The following ITIH2 variants were observed in gnomAD, a reference collection of about 807,000 sequenced individuals.
ITIH2 encodes the protein inter-alpha-trypsin inhibitor heavy chain 2, also known as inter-alpha-trypsin inhibitor heavy chain H2.
ITIH2 carries 103 observed loss-of-function variants against 104.4 expected under a neutral mutation model. The observed-to-expected ratio is 0.99, with a 90% confidence interval of 0.84 to 1.16. The LOEUF is 1.16. ITIH2 is among the 50% of genes most tolerant of loss of function. The probability of loss-of-function intolerance (pLI) is 0.00; values close to 1 mark genes in which losing one functional copy is unlikely to be tolerated. For synonymous variants in ITIH2, 436 were observed against 435.4 expected, an observed-to-expected ratio of 1.00 and a Z score of -0.02; for missense variants, 1,108 against 1,162.4, an observed-to-expected ratio of 0.95 and a Z score of 0.68.
intron 19 of ITIH2, among the ~76,000 whole-genome samples, chr10:7,746,065 A>AT (rs1227494309): frequency 1.3e-5 from 1 of 79,026 alleles, no homozygotes; most frequent in African/African-American, 5.2e-5. Flanking sequence ...CAAATCTTAA[A>AT]TTTAAAAAAA....
Position 7,721,064 on chromosome 10 carries a change from TGAG to T in ITIH2, c.738+104_738+106del, listed in dbSNP as rs1488481473. 7.8e-6 allele frequency: 6 copies of T among 772,184 alleles called. No homozygotes were observed. The African/African-American group carries it at 8.6e-5, about 11-fold the overall frequency. 47.8% of individuals were successfully genotyped at this position (772,184 alleles called of 1,614,324 possible). On this transcript the variant is annotated intron_variant, in intron 7 of 20. Coordinates refer to ENST00000358415, the MANE Select transcript of ITIH2 (RefSeq NM_002216.3). ...GGAGAAGAGAAAAGCAGGCTGGTGTTGAGGACACTGTTGAAGAAATGGGGATCC... is the reference window on the plus strand; with the variant it reads ...GGAGAAGAGAAAAGCAGGCTGGTGTTGACACTGTTGAAGAAATGGGGATCC...
chr10:7,733,942 T>C (rs1835027396), intron 14 of ITIH2, among the ~76,000 whole-genome samples: 1 of 151,728 alleles, frequency 6.6e-6, no homozygotes, highest in Non-Finnish European at 1.5e-5. Flanking sequence ...TAGCTCCCTC[T>C]CTGACAGAAG....
At chr10:7,714,471 C>T (rs112178049) in intron 5 of ITIH2, among the ~76,000 whole-genome samples, 7,620 of 152,062 alleles carry the variant, frequency 0.05, 256 homozygotes, top group Admixed American at 0.076. Flanking sequence ...TGTGCCTGGC[C>T]CACGCTCACT....
intron 3 of ITIH2, 52 bp downstream of exon 3, chr10:7,707,285 A>C (rs1834756579): frequency 2.2e-6 from 3 of 1,355,934 alleles, no homozygotes; most frequent in African/African-American, 2.9e-5. Flanking sequence ...GTTAATAATT[A>C]CCAGGAAATC....
At chr10:7,720,776 C>T (rs1834894689) in intron 6 of ITIH2, 80 bp from the exon 7 acceptor site, 2 of 866,646 alleles carry the variant, frequency 2.3e-6, no homozygotes, top group South Asian at 1.4e-5. Flanking sequence ...CATCAGAGGA[C>T]TTATTTGTAA....
At chr10:7,709,422 G>A (rs1473502877) in intron 4 of ITIH2, among the ~76,000 whole-genome samples, 3 of 152,070 alleles carry the variant, frequency 2.0e-5, no homozygotes, top group Admixed American at 6.6e-5. Flanking sequence ...CTATCTCTGT[G>A]GTAACAACCT....
chr10:7,723,621 C>A, intron 9 of ITIH2, 54 bp downstream of exon 9: 1 of 1,109,362 alleles, frequency 9.0e-7, no homozygotes, highest in Non-Finnish European at 1.4e-6. Context: ...TTCTTTGATC[C>A]CCTCCTAAAA....
chr10:7,744,846 A>T lies in ITIH2; in HGVS notation c.2464A>T (p.Met822Leu). The T allele has an allele frequency of 1.2e-5, 19 of 1,614,052 alleles. No individual in the cohort carries two copies. Among genetic ancestry groups the T allele is most frequent in the Non-Finnish European group, 1.6e-5 (19 of 1,179,964 alleles). The change falls in exon 19 of 21, where the codon ATG becomes TTG. Residue 822 changes from methionine to leucine, a missense_variant. Transcript: ENST00000358415. ...KVVTITLDKE[M>L]SFSVLLHRVW... ...GGTAACTATCACCCTGGATAAAGAG[A>T]TGTCCTTTTCTGTTTTACTTCATCG...
chr10:7,727,703 G>T lies in ITIH2; in HGVS notation c.1154G>T (p.Gly385Val), dbSNP rs146198523. 6.2e-7 allele frequency: 1 copy of T among 1,613,812 alleles called. No individual in the cohort carries two copies. Among genetic ancestry groups the T allele is most frequent in the African/African-American group, 1.3e-5 (1 of 74,898 alleles). ...RYIEKIQPSG[G>V]TNINEALLRA... is the part of the protein sequence containing the mutation. ...ACGTTTCATTATGCTACTTCAACAG[G>T]CACAAACATCAACGAAGCACTCCTA... Residue 385 changes from glycine (G) to valine (V), a missense_variant and splice_region_variant, in exon 11 of 21, where the codon GGC becomes GTC. Physicochemically the swap from Gly to Val is moderately radical, Grantham distance 109. Coordinates refer to ENST00000358415, the MANE Select transcript of ITIH2 (RefSeq NM_002216.3).
In ITIH2 at chr10:7,749,313, C is replaced by T; in HGVS notation, c.2820C>T (p.Tyr940=). 1 of 1,614,098 alleles carries T rather than the reference C, an allele frequency of 6.2e-7. No individual in the cohort carries two copies. Among genetic ancestry groups the T allele is most frequent in the African/African-American group, 1.3e-5 (1 of 75,048 alleles). ...HYKDYFVPQL[Y]SFLKRP is the part of the protein sequence containing the mutation. ...AGGATTACTTCGTGCCTCAGCTCTACAGCTTTCTCAAACGGCCTTAAAGGT... is the reference window on the plus strand; with the variant it reads ...AGGATTACTTCGTGCCTCAGCTCTATAGCTTTCTCAAACGGCCTTAAAGGT... The change falls in exon 21 of 21, where the codon TAC becomes TAT. Residue 940 remains tyrosine, a synonymous_variant. Transcript: ENST00000358415.
At chr10:7,708,029 T>G (rs1333109328) in intron 3 of ITIH2, among the ~76,000 whole-genome samples, 1 of 152,236 alleles carries the variant, frequency 6.6e-6, no homozygotes, top group East Asian at 1.9e-4. Flanking sequence ...TTGTGCTTCC[T>G]GCCCTGAATT....
chr10:7,705,278 AAG>A (rs1834736260), intron 2 of ITIH2, 96 bp downstream of exon 2: 1 of 893,930 alleles, frequency 1.1e-6, no homozygotes, highest in Admixed American at 2.1e-5. Context: ...AGATTTTCTT[AAG>A]AGTTTGTTTT....
At chr10:7,735,310 A>ACCTTTGTTC in intron 15 of ITIH2, among the ~76,000 whole-genome samples, 1 of 152,206 alleles carries the variant, frequency 6.6e-6, no homozygotes, top group Admixed American at 6.5e-5. Flanking sequence ...GAACTTTTGA[A>ACCTTTGTTC]AACCTGCGTA....
At chr10:7,749,054 T>C (rs1478889345) in intron 20 of ITIH2, 133 bp from the exon 21 acceptor site, 8 of 822,172 alleles carry the variant, frequency 9.7e-6, no homozygotes, top group Non-Finnish European at 1.6e-5. Context: ...TTCACATGAC[T>C]TGGGGAGCAG....
chr10:7,731,798 C>T lies in ITIH2; in HGVS notation c.1462-13C>T. ...AGGAACATAATTTCTCTCTCTCTCT[C>T]TGTGAATTGTAGAAATTCTACAACC... On this transcript the variant is annotated splice_polypyrimidine_tract_variant and intron_variant, in intron 12 of 20. Transcript: ENST00000358415. 1.3e-6 allele frequency: 2 copies of T among 1,564,172 alleles called. No individual in the cohort carries two copies. The highest frequency in any genetic ancestry group is 1.7e-6 in the Non-Finnish European group (2 of 1,146,660).
Position 7,709,156 on chromosome 10 carries a change from G to A in ITIH2, c.327G>A (p.Gln109=). Residue 109 remains glutamine (Q), a synonymous_variant, in exon 4 of 21, where the codon CAG becomes CAA. Coordinates refer to ENST00000358415, the MANE Select transcript of ITIH2 (RefSeq NM_002216.3). ...PQPQNVVFDV[Q]IPKGAFISNF... ...CTCAGAATGTCGTGTTTGATGTTCAGATCCCCAAAGGAGCATTCATTTCCA... is the reference window on the plus strand; with the variant it reads ...CTCAGAATGTCGTGTTTGATGTTCAAATCCCCAAAGGAGCATTCATTTCCA... 6.2e-7 allele frequency: 1 copy of A among 1,614,120 alleles called. No individual in the cohort carries two copies.
At chr10:7,727,945 A>G (rs1283248647) in intron 11 of ITIH2, 117 bp downstream of exon 11, 4 of 1,198,666 alleles carry the variant, frequency 3.3e-6, no homozygotes, top group African/African-American at 3.0e-5. Context: ...AACATTTTAA[A>G]CCCATGCTTC....
intron 6 of ITIH2, among the ~76,000 whole-genome samples, chr10:7,719,796 A>G (rs1374278952): frequency 6.7e-6 from 1 of 148,648 alleles, no homozygotes; most frequent in Non-Finnish European, 1.5e-5. Flanking sequence ...AAGAAAGAAA[A>G]GAAAAAATAG....
At chr10:7,722,217 A>G (rs2130948258) in intron 8 of ITIH2, among the ~76,000 whole-genome samples, 1 of 152,228 alleles carries the variant, frequency 6.6e-6, no homozygotes, top group South Asian at 2.1e-4. Flanking sequence ...TTTCCCCTTC[A>G]GTCATGTCCC....
Sources: allele counts gnomAD v4.1 joint callset (sites outside exome capture counted in the v4.1 genomes callset), GRCh38; gene constraint gnomAD v4.1.1; transcripts MANE v1.5; gene names NCBI Gene and HGNC (gene_info 2026-07-23, HGNC 2026-07-21).